ADGRL3: variants seen among roughly 807,000 people sequenced by gnomAD.
ADGRL3 encodes calcium-independent alpha-latrotoxin receptor 3.
In ADGRL3, 62 loss-of-function variants were observed where a neutral mutation model predicts 153.5. That is an observed-to-expected ratio of 0.40 (90% confidence interval 0.33 to 0.50). The LOEUF is 0.50. Among genes scored for constraint, ADGRL3 ranks in the 20% least tolerant of loss-of-function variants. The probability of loss-of-function intolerance (pLI) is 0.47; values close to 1 mark genes in which losing one functional copy is unlikely to be tolerated. For synonymous variants in ADGRL3, 710 were observed against 672.5 expected (o/e 1.06, Z -0.86); for missense variants, 1,641 against 1,859.4 (o/e 0.88, Z 2.16).
At chr4:62,010,574 C>G (rs1248287346) in intron 21 of ADGRL3, among the ~76,000 whole-genome samples, 1 of 151,798 alleles carries the variant, frequency 6.6e-6, no homozygotes, top group Non-Finnish European at 1.5e-5. Context: ...ATGTCATTTC[C>G]CTGAAAGGAT....
At chr4:61,809,215 C>A (rs1485767422) in intron 8 of ADGRL3, among the ~76,000 whole-genome samples, 1 of 151,962 alleles carries the variant, frequency 6.6e-6, no homozygotes, top group Non-Finnish European at 1.5e-5. Context: ...CTGTAGAAAT[C>A]AATGGGGATT....
chr4:61,888,935 T>G (rs1038681875), intron 9 of ADGRL3, among the ~76,000 whole-genome samples: 1 of 152,210 alleles, frequency 6.6e-6, no homozygotes, highest in African/African-American at 2.4e-5. Context: ...ATGGACAATG[T>G]AAAATGCATT....
intron 25 of ADGRL3, among the ~76,000 whole-genome samples, chr4:62,064,831 G>A (rs971827935): frequency 2.6e-5 from 4 of 151,968 alleles, no homozygotes; most frequent in Admixed American, 6.6e-5. Flanking sequence ...TGCCAGATGC[G>A]GAGGATGATT....
At chr4:61,952,193 A>G (rs1200900242) in intron 17 of ADGRL3, among the ~76,000 whole-genome samples, 1 of 152,150 alleles carries the variant, frequency 6.6e-6, no homozygotes, top group African/African-American at 2.4e-5. Flanking sequence ...AATTTCATCC[A>G]GACCAGGCGT....
chr4:61,615,519 CA>C (rs1470308175), intron 5 of ADGRL3, among the ~76,000 whole-genome samples: 1 of 151,424 alleles, frequency 6.6e-6, no homozygotes, highest in Non-Finnish European at 1.5e-5. Context: ...GTTGGTTAGA[CA>C]AAAGAACGAA....
At chr4:61,808,113 T>C (rs747335936) in intron 8 of ADGRL3, among the ~76,000 whole-genome samples, 25 of 152,046 alleles carry the variant, frequency 1.6e-4, no homozygotes, top group Non-Finnish European at 2.9e-5. Flanking sequence ...ATTACTTTAC[T>C]CACCTCAGTT....
At chr4:61,456,629 G>T (rs2097759470) in intron 2 of ADGRL3, among the ~76,000 whole-genome samples, 2 of 151,180 alleles carry the variant, frequency 1.3e-5, no homozygotes, top group African/African-American at 2.4e-5. Context: ...GTTTGGAGAA[G>T]AAGTAAGTAC....
At chr4:61,630,419 C>A (rs553000029) in intron 5 of ADGRL3, among the ~76,000 whole-genome samples, 6 of 152,138 alleles carry the variant, frequency 3.9e-5, no homozygotes, top group Non-Finnish European at 8.8e-5. Context: ...TGGAAAAATA[C>A]TGTTAGCTGA....
At chr4:61,987,705 A>G (rs2099090641) in intron 19 of ADGRL3, among the ~76,000 whole-genome samples, 1 of 152,180 alleles carries the variant, frequency 6.6e-6, no homozygotes, top group Admixed American at 6.5e-5. Context: ...ATTAAGCTCA[A>G]TACAGTAAAA....
intron 5 of ADGRL3, among the ~76,000 whole-genome samples, chr4:61,663,488 G>T (rs571033200): frequency 8.8e-4 from 134 of 152,288 alleles, no homozygotes; most frequent in African/African-American, 3.1e-3. Flanking sequence ...GGTGTGCAGC[G>T]GATGGACCCT....
At chr4:61,638,691 T>G (rs1314841677) in intron 5 of ADGRL3, among the ~76,000 whole-genome samples, 1 of 152,182 alleles carries the variant, frequency 6.6e-6, no homozygotes, top group Non-Finnish European at 1.5e-5. Context: ...AATAGTGTTT[T>G]ATTTAGGCTT....
At chr4:62,050,085 G>A (rs908544744) in intron 25 of ADGRL3, among the ~76,000 whole-genome samples, 2 of 151,778 alleles carry the variant, frequency 1.3e-5, no homozygotes, top group Admixed American at 1.3e-4. Flanking sequence ...ATTTTGCAGC[G>A]GTGGGAAGAA....
At chr4:62,063,626 C>T (rs1022569437) in intron 25 of ADGRL3, 13 of 695,020 alleles carry the variant, frequency 1.9e-5, no homozygotes, top group South Asian at 4.5e-5. Context: ...GCATGTACAA[C>T]GCACAAGGTG....
chr4:61,335,303 T>G (rs1292588801), intron 1 of ADGRL3, among the ~76,000 whole-genome samples: 2 of 152,116 alleles, frequency 1.3e-5, no homozygotes, highest in African/African-American at 4.8e-5. Flanking sequence ...TTTCAGTACG[T>G]TTTACTCTTA....
At chr4:61,711,772 G>A (rs1416733088) in intron 6 of ADGRL3, among the ~76,000 whole-genome samples, 2 of 151,936 alleles carry the variant, frequency 1.3e-5, no homozygotes, top group Non-Finnish European at 2.9e-5. Context: ...ATCGTTGGCT[G>A]TCTGTGGTTG....
At chr4:62,017,528 A>T (rs1463811491) in intron 21 of ADGRL3, among the ~76,000 whole-genome samples, 1 of 151,676 alleles carries the variant, frequency 6.6e-6, no homozygotes, top group African/African-American at 2.4e-5. Context: ...TTAATTGATT[A>T]TGATGTTTAT....
chr4:61,946,907 A>C lies in ADGRL3; in HGVS notation c.2420-7A>C. ...GACAAACTAATCAGAGTTTGCATTT[A>C]CTTTAGGAGAGATCAGAGTGGCCTT... On this transcript the variant is annotated splice_polypyrimidine_tract_variant and splice_region_variant and intron_variant, in intron 15 of 26. Transcript: ENST00000683033. The C allele has an allele frequency of 6.2e-7, 1 of 1,609,414 alleles. No individual in the cohort carries two copies. The highest frequency in any genetic ancestry group is 8.5e-7 in the Non-Finnish European group (1 of 1,175,912).
intron 8 of ADGRL3, among the ~76,000 whole-genome samples, chr4:61,769,396 G>A (rs369996179): frequency 5.3e-5 from 8 of 152,168 alleles, no homozygotes; most frequent in Admixed American, 1.3e-4. Context: ...GCCGCTTACC[G>A]GATTTGAAAT....
chr4:62,053,656 C>G (rs1239421954), intron 25 of ADGRL3, among the ~76,000 whole-genome samples: 1 of 151,490 alleles, frequency 6.6e-6, no homozygotes, highest in Admixed American at 6.6e-5. Context: ...CTAAATAGAA[C>G]AGAGCTGATT....
Sources: allele counts gnomAD v4.1 joint callset (sites outside exome capture counted in the v4.1 genomes callset), GRCh38; gene constraint gnomAD v4.1.1; transcripts MANE v1.5; gene names NCBI Gene and HGNC (gene_info 2026-07-23, HGNC 2026-07-21).